LRRIQ1: variants seen among roughly 807,000 people sequenced by gnomAD.
The protein encoded by LRRIQ1 is leucine-rich repeat- and IQ domain-containing protein 1.
In LRRIQ1, 210 loss-of-function variants were observed where a neutral mutation model predicts 211.9. The ratio of observed to expected loss-of-function variants is 0.99; its 90% CI spans 0.89 to 1.11. The LOEUF is 1.11. LRRIQ1 is among the 50% of genes most tolerant of loss of function. The probability of loss-of-function intolerance (pLI) is 0.00; values close to 1 mark genes in which losing one functional copy is unlikely to be tolerated. For missense variants in LRRIQ1, 2,136 were observed against 1,939.5 expected (o/e 1.10, Z -1.90); for synonymous variants, 699 against 650.1 (o/e 1.08, Z -1.14).
intron 24 of LRRIQ1, among the ~76,000 whole-genome samples, chr12:85,170,564 A>G (rs1891369244): frequency 1.3e-5 from 2 of 151,200 alleles, no homozygotes; most frequent in South Asian, 2.1e-4. Context: ...GTGTGTATAT[A>G]TGAGAGATAT....
downstream of LRRIQ1, among the ~76,000 whole-genome samples, chr12:85,265,937 A>C (rs931889319): frequency 2.0e-5 from 3 of 152,084 alleles, no homozygotes; most frequent in South Asian, 6.2e-4. Context: ...GAGACTACAC[A>C]AAACAGGGCA....
intron 1 of LRRIQ1, among the ~76,000 whole-genome samples, chr12:85,250,753 A>T (rs546401692): frequency 2.9e-5 from 4 of 135,980 alleles, no homozygotes; most frequent in Non-Finnish European, 4.6e-5. Flanking sequence ...GAGGCAATAA[A>T]TAGATAATGG....
rs533135710 is a variant in LRRIQ1, at chr12:85,094,991, T to G, written c.2888-3364T>G. 3.3e-5 allele frequency among the ~76,000 whole-genome samples: 5 copies of G among 152,308 alleles called. No homozygotes were observed. The South Asian group carries it at 1.0e-3, about 32-fold the overall frequency. On this transcript the variant is annotated intron_variant, in intron 11 of 26. Transcript: ENST00000393217. ...TTTGTATCCTGAAACTTTACTGAAGTCATTTATCAAATCGAGGAGCCTCTG... is the reference window on the plus strand; with the variant it reads ...TTTGTATCCTGAAACTTTACTGAAGGCATTTATCAAATCGAGGAGCCTCTG...
intron 23 of LRRIQ1, 36 bp downstream of exon 23, chr12:85,154,130 A>C: frequency 8.5e-7 from 1 of 1,179,856 alleles, no homozygotes; most frequent in Non-Finnish European, 1.2e-6. Flanking sequence ...ATAACTGTGT[A>C]TGGAAAATTG....
rs528284552 is a variant in LRRIQ1 at position 85,070,023 on chromosome 12, G to A, written c.2696-2884G>A. 3.9e-5 allele frequency among the ~76,000 whole-genome samples: 6 copies of A among 152,142 alleles called. No individual in the cohort carries two copies. In the South Asian group the frequency reaches 6.2e-4, roughly 16 times the overall value. On this transcript the variant is annotated intron_variant, in intron 10 of 26. Coordinates refer to ENST00000393217, the MANE Select transcript of LRRIQ1 (RefSeq NM_001079910.2). ...ACATGAAGTCCTTGCCCATGCCTAT[G>A]TCCTGAATGGTATTGCCTAGGTTTT...
intron 15 of LRRIQ1, among the ~76,000 whole-genome samples, chr12:85,114,423 A>G (rs1887422772): frequency 6.6e-6 from 1 of 152,220 alleles, no homozygotes; most frequent in African/African-American, 2.4e-5. Flanking sequence ...AATAGCTGCC[A>G]CATTGCCAGT....
intron 10 of LRRIQ1, among the ~76,000 whole-genome samples, chr12:85,068,805 C>T (rs1320764795): frequency 3.3e-5 from 5 of 150,628 alleles, no homozygotes; most frequent in Admixed American, 6.6e-5. Context: ...TTTCCCATTC[C>T]GTTGATTTGT....
In LRRIQ1 at chr12:85,164,015, G is replaced by A. The variant is rs187500505; in HGVS notation, c.4822+3301G>A. ...AGTCTGAGAGCCTGAACACTTTGCA[G>A]ATTTAACATTGGCTTATTTTATTTA... On this transcript the variant is annotated intron_variant, in intron 24 of 26. Coordinates refer to ENST00000393217, the MANE Select transcript of LRRIQ1 (RefSeq NM_001079910.2). 2.8e-3 allele frequency among the ~76,000 whole-genome samples: 420 copies of A among 152,176 alleles called. 13 individuals are homozygous for A. The highest frequency in any genetic ancestry group is 0.025 in the Admixed American group (388 of 15,274).
At chr12:85,088,349 G>A (rs1216686912) in intron 11 of LRRIQ1, among the ~76,000 whole-genome samples, 2 of 152,056 alleles carry the variant, frequency 1.3e-5, no homozygotes, top group African/African-American at 2.4e-5. Flanking sequence ...GTTACTGTAG[G>A]CTTGTGATGT....
At chr12:85,121,148 T>A (rs1467686865) in intron 15 of LRRIQ1, among the ~76,000 whole-genome samples, 1 of 151,824 alleles carries the variant, frequency 6.6e-6, no homozygotes, top group East Asian at 1.9e-4. Context: ...CTTTTGCAAA[T>A]ACCTTGAAGA....
chr12:85,092,234 G>A (rs188178744), intron 11 of LRRIQ1, among the ~76,000 whole-genome samples: 1 of 152,302 alleles, frequency 6.6e-6, no homozygotes, highest in East Asian at 1.9e-4. Context: ...TGCATTTGGT[G>A]GCAGGCTTTA....
At chr12:85,230,789 C>T (rs138160792) in intron 25 of LRRIQ1, among the ~76,000 whole-genome samples, 2,969 of 152,254 alleles carry the variant, frequency 0.02, 95 homozygotes, top group African/African-American at 0.068. Flanking sequence ...GTGGCTCACG[C>T]CTGTAATCCC....
At position 85,057,179 on chromosome 12, in the gene LRRIQ1, C is replaced by T. The variant is rs374281898; in HGVS notation, c.2386C>T (p.Gln796Ter). ...TCGATGTGGCCCTTGGGATACTTTA[C>T]AGCAGGTATTTCTAATTTTATAATA... ...ILRCGPWDTL[Q>*]QVTTVTFQDL... Residue 796 changes from glutamine (Q) to a stop codon, truncating the protein, a stop_gained, in exon 8 of 27, where the codon CAG becomes TAG. Coordinates refer to ENST00000393217, the MANE Select transcript of LRRIQ1 (RefSeq NM_001079910.2). LOFTEE classifies it high-confidence loss of function. 7 of 1,428,354 alleles carry T rather than the reference C, an allele frequency of 4.9e-6. No homozygotes were observed. The highest frequency in any genetic ancestry group is 6.5e-6 in the Non-Finnish European group (7 of 1,076,838). 88.5% of individuals were successfully genotyped at this position (1,428,354 alleles called of 1,614,324 possible). A position where few individuals can be genotyped will look rare whatever the true frequency, so the allele number is the denominator to read the frequency against.
intron 18 of LRRIQ1, among the ~76,000 whole-genome samples, chr12:85,128,358 G>C (rs965873374): frequency 6.6e-6 from 1 of 152,190 alleles, no homozygotes; most frequent in South Asian, 2.1e-4. Context: ...CCAGCACTTT[G>C]GGAGGCAAAG....
Position 85,044,746 on chromosome 12 carries a change from T to A in LRRIQ1, c.273T>A (p.Asn91Lys), listed in dbSNP as rs777995024. 6.4e-7 allele frequency: 1 copy of A among 1,566,710 alleles called. No individual in the cohort carries two copies. Among genetic ancestry groups the A allele is most frequent in the South Asian group, 1.1e-5 (1 of 88,450 alleles). The change falls in exon 4 of 27, where the codon AAT (asparagine) becomes AAA (lysine). Residue 91 changes from asparagine to lysine, a missense_variant. Transcript: ENST00000393217. ...LSCSYGAVSNNHMHLRTGLST... is the reference protein window; with the variant it reads ...LSCSYGAVSNKHMHLRTGLST... ...GTAGTTATGGAGCAGTTTCTAATAA[T>A]CATATGCATTTAAGAACAGGACTAT... is the stretch of plus-strand genomic sequence containing the variant.
intron 14 of LRRIQ1, among the ~76,000 whole-genome samples, chr12:85,104,334 A>G (rs1447893838): frequency 6.6e-6 from 1 of 151,932 alleles, no homozygotes; most frequent in Non-Finnish European, 1.5e-5. Flanking sequence ...TACTTATGAA[A>G]TATATAGCCT....
rs1052343389 is a variant in LRRIQ1, at chr12:85,124,105, GT to G, written c.3594del (p.His1199IlefsTer6). ...ACCTTGGATACTGCAGAAAATCTCT[GT>G]CATTATTTTAAGAAATTGATGATAC... ...VFTLDTAENL[C>X]HYFKKLMILS... On this transcript the variant is annotated frameshift_variant, in exon 17 of 27. Transcript: ENST00000393217. LOFTEE classifies it high-confidence loss of function. The G allele has an allele frequency of 3.7e-6, 6 of 1,613,516 alleles. No homozygotes were observed. Among genetic ancestry groups the G allele is most frequent in the Non-Finnish European group, 5.1e-6 (6 of 1,179,564 alleles).
At chr12:85,108,861 TA>T (rs1406527628) in intron 15 of LRRIQ1, among the ~76,000 whole-genome samples, 3 of 152,092 alleles carry the variant, frequency 2.0e-5, no homozygotes. Flanking sequence ...ACACATTTAC[TA>T]AAATACATAT....
chr12:85,087,393 G>A (rs1407571642), intron 11 of LRRIQ1, among the ~76,000 whole-genome samples: 16 of 152,160 alleles, frequency 1.1e-4, no homozygotes, highest in East Asian at 7.7e-4. Flanking sequence ...GAATAGTGCC[G>A]CAATAAACAT....
Sources: allele counts gnomAD v4.1 joint callset (sites outside exome capture counted in the v4.1 genomes callset), GRCh38; gene constraint gnomAD v4.1.1; transcripts MANE v1.5; gene names NCBI Gene and HGNC (gene_info 2026-07-23, HGNC 2026-07-21).